ELK3: variants seen among roughly 807,000 people sequenced by gnomAD.
ELK3 encodes ETS transcription factor ELK3.
A neutral mutation model predicts 28.9 loss-of-function variants in ELK3; 10 were observed. That is an observed-to-expected ratio of 0.35 (90% CI 0.21 to 0.59). The LOEUF is 0.59. Ranked by LOEUF, ELK3 falls within the 20% of genes least tolerant of loss-of-function variation. The pLI, the probability that ELK3 is intolerant of heterozygous loss-of-function variation, is 0.82. For synonymous variants in ELK3, 272 were observed against 243.5 expected, an observed-to-expected ratio of 1.12 and a Z score of -1.09; for missense variants, 463 against 517.3, an observed-to-expected ratio of 0.90 and a Z score of 1.02.
chr12:96,214,012 C>T (rs1213880863), intron 1 of ELK3: 4 of 152,098 alleles, frequency 2.6e-5, no homozygotes, highest in Non-Finnish European at 5.9e-5. Flanking sequence ...ACATGTAATC[C>T]GTTCATTAAA....
chr12:96,257,694 G>C (rs1951961289), intron 3 of ELK3, among the ~76,000 whole-genome samples: 1 of 152,224 alleles, frequency 6.6e-6, no homozygotes, highest in Non-Finnish European at 1.5e-5. Flanking sequence ...TTGGAACCTT[G>C]CTCCAGAGTA....
At chr12:96,218,683 C>G (rs1016328192) in intron 1 of ELK3, among the ~76,000 whole-genome samples, 14 of 146,000 alleles carry the variant, frequency 9.6e-5, no homozygotes, top group African/African-American at 3.5e-4. Flanking sequence ...GAGTCTCGCT[C>G]TGTCACCTAG....
chr12:96,257,581 G>A (rs1481711489), intron 3 of ELK3, among the ~76,000 whole-genome samples: 3 of 152,200 alleles, frequency 2.0e-5, no homozygotes, highest in Non-Finnish European at 4.4e-5. Flanking sequence ...GTGTTTTGTG[G>A]TTTAGAAGAT....
At chr12:96,227,498 A>G (rs377104063) in intron 2 of ELK3, among the ~76,000 whole-genome samples, 4 of 152,332 alleles carry the variant, frequency 2.6e-5, no homozygotes, top group African/African-American at 9.6e-5. Context: ...TTAGCAGAGA[A>G]AAAAGTGGAA....
chr12:96,221,558 T>C (rs1195393772), intron 1 of ELK3, among the ~76,000 whole-genome samples: 3 of 152,194 alleles, frequency 2.0e-5, no homozygotes, highest in Admixed American at 6.5e-5. Flanking sequence ...CTGACTGACA[T>C]GTTTGGCCAA....
At chr12:96,233,490 C>T (rs1242597171) in intron 2 of ELK3, among the ~76,000 whole-genome samples, 3 of 152,174 alleles carry the variant, frequency 2.0e-5, no homozygotes, top group Admixed American at 1.3e-4. Context: ...GAAGGGATTT[C>T]GGGGAGAACA....
intron 4 of ELK3, among the ~76,000 whole-genome samples, chr12:96,265,895 A>C (rs1952025745): frequency 1.3e-5 from 2 of 152,232 alleles, no homozygotes; most frequent in Non-Finnish European, 2.9e-5. Flanking sequence ...GAATATGCCA[A>C]TAATCATTAA....
At chr12:96,214,443 A>AAAAC (rs928212728) in intron 1 of ELK3, among the ~76,000 whole-genome samples, 4 of 151,716 alleles carry the variant, frequency 2.6e-5, no homozygotes, top group East Asian at 1.9e-4. Context: ...AAAACAAAAC[A>AAAAC]AAACAAACAA....
At chr12:96,215,928 C>T (rs1027081229) in intron 1 of ELK3, among the ~76,000 whole-genome samples, 2 of 152,154 alleles carry the variant, frequency 1.3e-5, no homozygotes, top group Non-Finnish European at 2.9e-5. Context: ...GCTATCACGC[C>T]TAGCCTCAAA....
Position 96,194,398 on chromosome 12 carries a change from G to A in ELK3, c.-310G>A, listed in dbSNP as rs1951445350. On this transcript the variant is annotated 5_prime_UTR_variant, in exon 1 of 5. Coordinates refer to ENST00000228741, the MANE Select transcript of ELK3 (RefSeq NM_005230.4). ...GCGCGGGCCTGGGCGGCCAGCCCCG[G>A]CGCACAGCCGCGGCCGGGGCGCGCG... The A allele has an allele frequency of 6.8e-6, 1 of 147,036 alleles. No individual in the cohort carries two copies. The highest frequency in any genetic ancestry group is 2.4e-5 in the African/African-American group (1 of 40,882). 9.1% of individuals were successfully genotyped at this position (147,036 alleles called of 1,614,324 possible).
At chr12:96,215,823 A>G (rs1457196204) in intron 1 of ELK3, among the ~76,000 whole-genome samples, 1 of 151,732 alleles carries the variant, frequency 6.6e-6, no homozygotes, top group Non-Finnish European at 1.5e-5. Context: ...TTTTGTAGAG[A>G]TGGGGTCTTA....
intron 1 of ELK3, chr12:96,222,936 T>C: frequency 6.5e-6 from 1 of 154,314 alleles, no homozygotes; most frequent in Admixed American, 6.4e-5. Context: ...GCGTGTCACA[T>C]GGCCGGAGCA....
chr12:96,261,562 G>C (rs1951992804), intron 4 of ELK3, among the ~76,000 whole-genome samples: 1 of 152,194 alleles, frequency 6.6e-6, no homozygotes, highest in African/African-American at 2.4e-5. Context: ...CATGGCAGTA[G>C]GGATTGTTAT....
At chr12:96,262,201 TAG>T (rs561920607) in intron 4 of ELK3, among the ~76,000 whole-genome samples, 143 of 152,220 alleles carry the variant, frequency 9.4e-4, no homozygotes, top group Non-Finnish European at 1.6e-3. Context: ...GTATTTTTAG[TAG>T]AGATGGAGTT....
intron 1 of ELK3, among the ~76,000 whole-genome samples, chr12:96,204,162 A>G (rs1377488455): frequency 6.6e-6 from 1 of 152,096 alleles, no homozygotes; most frequent in Non-Finnish European, 1.5e-5. Flanking sequence ...AAGAATCTCA[A>G]TGTAAAGTTT....
intron 4 of ELK3, 78 bp from the exon 5 acceptor site, chr12:96,267,004 T>G: frequency 1.7e-6 from 2 of 1,210,452 alleles, no homozygotes; most frequent in Non-Finnish European, 2.3e-6. Flanking sequence ...TGCTATGGAC[T>G]GTATGGGAAT....
rs868210873 is a variant in ELK3, at chr12:96,196,768, T to A, written c.-3+2063T>A. ...AAGTGTTTTTTTTTTTTTTTTTTTT[T>A]AATTTAAATGTTGCGTAGAAATGTG... On this transcript the variant is annotated intron_variant, in intron 1 of 4. Transcript: ENST00000228741. Among the ~76,000 whole-genome samples the A allele has an allele frequency of 1.5e-3, 195 of 130,440 alleles. 1 individual carries two copies. Among genetic ancestry groups the A allele is most frequent in the African/African-American group, 4.9e-3 (172 of 34,772 alleles). 85.6% of individuals were successfully genotyped at this position (130,440 alleles called of 152,430 possible).
intron 2 of ELK3, among the ~76,000 whole-genome samples, chr12:96,234,090 C>A (rs1951762566): frequency 1.3e-5 from 2 of 152,172 alleles, no homozygotes; most frequent in Admixed American, 6.5e-5. Context: ...TCACATTGTG[C>A]CGGGAGATGG....
chr12:96,247,734 G>A lies in ELK3; in HGVS notation c.1002G>A (p.Gln334=). ...GSLTPAFFTA[Q]TPNGLLLTPS... ...TCACCCCAGCCTTCTTCACCGCACA[G>A]GTAAGAGTCATTCCTGTCATCTAAG... Residue 334 remains glutamine (Q), a splice_region_variant and synonymous_variant, in exon 3 of 5, where the codon CAG becomes CAA. Transcript: ENST00000228741. The surrounding 1 kb of genome is among the most constrained non-coding windows in gnomAD (Gnocchi z 5.5). The A allele has an allele frequency of 6.5e-7, 1 of 1,549,032 alleles. No individual in the cohort carries two copies.
Sources: gnomAD v4.1 joint callset for allele counts (sites outside exome capture counted in the v4.1 genomes callset) on GRCh38, gnomAD v4.1.1 for gene constraint, Gnocchi (gnomAD v3.1) non-coding constraint, MANE v1.5 for transcripts, NCBI Gene and HGNC (gene_info 2026-07-23, HGNC 2026-07-21) for gene names.